WASF1: variants seen among roughly 807,000 people sequenced by gnomAD.
WASF1 encodes the protein actin-binding protein WASF1.
A neutral mutation model predicts 50.5 loss-of-function variants in WASF1; 7 were observed. That is an observed-to-expected ratio of 0.14 (90% CI 0.08 to 0.26). The LOEUF (loss-of-function observed/expected upper bound fraction) is 0.26. Ranked by LOEUF, WASF1 falls within the 10% of genes least tolerant of loss-of-function variation. WASF1 has a pLI of 1.00. For synonymous variants in WASF1, 205 were observed against 244.0 expected, an observed-to-expected ratio of 0.84 and a Z score of 1.49; for missense variants, 470 against 694.7, an observed-to-expected ratio of 0.68 and a Z score of 3.64.
At chr6:110,120,633 T>A (rs565898470) in intron 4 of WASF1, among the ~76,000 whole-genome samples, 1 of 152,294 alleles carries the variant, frequency 6.6e-6, no homozygotes, top group South Asian at 2.1e-4. Flanking sequence ...ATAGATTCAA[T>A]GCTATCCCCA....
At chr6:110,162,775 A>C (rs1216520521) in intron 2 of WASF1, among the ~76,000 whole-genome samples, 1 of 151,658 alleles carries the variant, frequency 6.6e-6, no homozygotes, top group African/African-American at 2.4e-5. Context: ...CTTGAAAAGA[A>C]GATTTACAAA....
chr6:110,144,866 G>A (rs935517435), intron 3 of WASF1, among the ~76,000 whole-genome samples: 3 of 152,180 alleles, frequency 2.0e-5, no homozygotes, highest in African/African-American at 7.2e-5. Flanking sequence ...CTGTAGCCTT[G>A]TAGTGTAGTT....
At chr6:110,174,967 G>A (rs1409408043) in intron 2 of WASF1, among the ~76,000 whole-genome samples, 1 of 152,050 alleles carries the variant, frequency 6.6e-6, no homozygotes, top group Admixed American at 6.6e-5. Flanking sequence ...ATGAAGCAAA[G>A]CAAAACAAAA....
chr6:110,131,236 C>G (rs554367948), intron 3 of WASF1, among the ~76,000 whole-genome samples: 3 of 152,264 alleles, frequency 2.0e-5, no homozygotes, highest in Admixed American at 6.5e-5. Flanking sequence ...TTTTTCTACA[C>G]CAAGATCATA....
chr6:110,120,145 G>A lies in WASF1; in HGVS notation c.134-6685C>T, dbSNP rs139141369. ...AAAATCAGCACAAGACAATGATGCCGTCTCTCACCACTCCTATTCAACACA... is the reference window on the plus strand; with the variant it reads ...AAAATCAGCACAAGACAATGATGCCATCTCTCACCACTCCTATTCAACACA... On this transcript the variant is annotated intron_variant, in intron 4 of 10. Coordinates refer to ENST00000392589, the MANE Select transcript of WASF1 (RefSeq NM_003931.3). Among the ~76,000 whole-genome samples, 512 of 152,120 alleles carry A rather than the reference G, an allele frequency of 3.4e-3. 2 individuals carry two copies. The highest frequency in any genetic ancestry group is 0.014 in the Middle Eastern group (4 of 294).
intron 3 of WASF1, among the ~76,000 whole-genome samples, chr6:110,130,917 TTTTAA>T (rs148932024): frequency 0.073 from 11,079 of 152,210 alleles, 541 homozygotes; most frequent in African/African-American, 0.14. Context: ...CTTGTTATAG[TTTTAA>T]TTTGTGTTTC....
At chr6:110,152,746 A>G (rs1381702483) in intron 3 of WASF1, among the ~76,000 whole-genome samples, 1 of 152,236 alleles carries the variant, frequency 6.6e-6, no homozygotes, top group East Asian at 1.9e-4. Flanking sequence ...GAGATGTTTT[A>G]GCCTGCTAAA....
rs759172509 is a variant in WASF1, at chr6:110,108,599, C to T, written c.351G>A (p.Leu117=). 8 of 1,613,938 alleles carry T rather than the reference C, an allele frequency of 5.0e-6. No individual in the cohort carries two copies. In the Admixed American group the frequency reaches 1.0e-4, roughly 20 times the overall value. ...CGTACGTCTCCTGTAATGGAATAGG[C>T]AAAGTCTTGCGATCGAAAAGCTGCT... The part of the protein sequence containing the change: ...QDQQLFDRKT[L]PIPLQETYDV... Residue 117 remains leucine (L), a synonymous_variant, in exon 6 of 11, where the codon TTG becomes TTA. Transcript: ENST00000392589.
At chr6:110,136,817 T>C (rs1391481643) in intron 3 of WASF1, among the ~76,000 whole-genome samples, 1 of 152,216 alleles carries the variant, frequency 6.6e-6, no homozygotes, top group Non-Finnish European at 1.5e-5. Context: ...ACGTTCTTTC[T>C]GCCCAAGATA....
intron 2 of WASF1, among the ~76,000 whole-genome samples, chr6:110,163,514 T>C (rs1157803498): frequency 6.6e-6 from 1 of 151,510 alleles, no homozygotes; most frequent in African/African-American, 2.4e-5. Context: ...ACTCTCATGA[T>C]CTAATCATCT....
intron 3 of WASF1, among the ~76,000 whole-genome samples, chr6:110,151,848 T>G (rs547090469): frequency 1.3e-5 from 2 of 152,310 alleles, no homozygotes; most frequent in East Asian, 3.9e-4. Flanking sequence ...GGAAATGCTA[T>G]GCCAAATCAA....
chr6:110,159,959 T>C (rs908186192), intron 3 of WASF1, among the ~76,000 whole-genome samples: 1 of 151,836 alleles, frequency 6.6e-6, no homozygotes, highest in Non-Finnish European at 1.5e-5. Flanking sequence ...TTCTTTAACA[T>C]AGCTCTAAAA....
At chr6:110,113,611 A>G (rs528560574) in intron 4 of WASF1, 151 bp from the exon 5 acceptor site, 1 of 727,378 alleles carries the variant, frequency 1.4e-6, no homozygotes, top group South Asian at 2.7e-5. Context: ...ACAACTGGTG[A>G]CCTGTTGAAT....
rs574889116 is a variant in WASF1 at position 110,168,368 on chromosome 6, G to A, written c.-126-7636C>T. ...TAAGTTCTGTATGTACAAATCCTCTGAAAGACATGCTCTATTTCATTTCCT... is the reference window on the plus strand; with the variant it reads ...TAAGTTCTGTATGTACAAATCCTCTAAAAGACATGCTCTATTTCATTTCCT... On this transcript the variant is annotated intron_variant, in intron 2 of 10. Coordinates refer to ENST00000392589, the MANE Select transcript of WASF1 (RefSeq NM_003931.3). Among the ~76,000 whole-genome samples, 3 of 152,156 alleles carry A rather than the reference G, an allele frequency of 2.0e-5. No homozygotes were observed. The East Asian group carries it at 5.8e-4, about 29-fold the overall frequency.
intron 2 of WASF1, among the ~76,000 whole-genome samples, chr6:110,171,277 G>C (rs774829301): frequency 7.9e-5 from 12 of 152,114 alleles, no homozygotes; most frequent in South Asian, 2.1e-4. Context: ...ATCTCAGAAA[G>C]ATAGATGGGA....
rs1310295627 is a variant in WASF1 at position 110,105,428 on chromosome 6, G to A, written c.692C>T (p.Pro231Leu). The A allele has an allele frequency of 1.9e-6, 3 of 1,604,086 alleles. No individual in the cohort carries two copies. Among genetic ancestry groups the A allele is most frequent in the South Asian group, 2.3e-5 (2 of 87,936 alleles). The change falls in exon 8 of 11, where the codon CCA becomes CTA. Residue 231 changes from proline (P) to leucine (L), a missense_variant. Physicochemically the swap from Pro to Leu is moderately conservative, Grantham distance 98. Coordinates refer to ENST00000392589, the MANE Select transcript of WASF1 (RefSeq NM_003931.3). ...LHKHIEVANG[P>L]ASHFETRPQT... The stretch of plus-strand genomic sequence containing the variant: ...AAACCTTGTTTCAAAATGAGAGGCT[G>A]GGCCATTAGCAACTTCAATATGCTT...
chr6:110,105,075 AC>A (rs981224911), intron 8 of WASF1, among the ~76,000 whole-genome samples: 3 of 152,152 alleles, frequency 2.0e-5, no homozygotes, highest in African/African-American at 7.2e-5. Context: ...TTTCAAAAAA[AC>A]CCCAGACCCT....
intron 3 of WASF1, among the ~76,000 whole-genome samples, chr6:110,131,673 T>C (rs1356124352): frequency 6.6e-6 from 1 of 152,096 alleles, no homozygotes; most frequent in African/African-American, 2.4e-5. Context: ...CCGGCTAATT[T>C]TGTGTATTTT....
Position 110,154,564 on chromosome 6 carries a change from G to C in WASF1, c.-29+6071C>G, listed in dbSNP as rs114540073. ...TACAGAAGCAATGGGCATAAAAATT[G>C]TTGTTCCCTAGACTTCACAATTTAC... On this transcript the variant is annotated intron_variant, in intron 3 of 10. Coordinates refer to ENST00000392589, the MANE Select transcript of WASF1 (RefSeq NM_003931.3). 2.7e-3 allele frequency among the ~76,000 whole-genome samples: 404 copies of C among 152,008 alleles called. 1 individual carries two copies. The highest frequency in any genetic ancestry group is 9.5e-3 in the African/African-American group (392 of 41,476).
Sources: allele counts gnomAD v4.1 joint callset (sites outside exome capture counted in the v4.1 genomes callset), GRCh38; gene constraint gnomAD v4.1.1; transcripts MANE v1.5; gene names NCBI Gene and HGNC (gene_info 2026-07-23, HGNC 2026-07-21).